Variants in SPATA3 observed in about 807,000 individuals in gnomAD.
The protein encoded by SPATA3 is spermatogenesis-associated protein 3.
Under a neutral mutation model 5.7 loss-of-function variants are expected in SPATA3, and 6 were observed. The ratio of observed to expected loss-of-function variants is 1.06; its 90% CI spans 0.58 to 2.09. SPATA3 has a LOEUF of 2.09. Among genes scored for constraint, SPATA3 ranks in the 30% most tolerant of loss-of-function variants. The pLI is 0.00. For missense variants in SPATA3, 155 were observed against 130.4 expected (o/e 1.19, Z -0.92); for synonymous variants, 44 against 48.4 (o/e 0.91, Z 0.37).
intron 1 of SPATA3, among the ~76,000 whole-genome samples, chr2:230,997,994 G>T (rs1021336922): frequency 2.0e-5 from 3 of 152,178 alleles, no homozygotes; most frequent in African/African-American, 7.2e-5. Flanking sequence ...GCCCTGAGAA[G>T]GGAAACCCAC....
downstream of SPATA3, among the ~76,000 whole-genome samples, chr2:231,006,016 G>T (rs80353332): frequency 7.1e-6 from 1 of 140,580 alleles, no homozygotes; most frequent in South Asian, 2.3e-4. Flanking sequence ...AAAAAAAAAA[G>T]AGAAAGAAGA....
At chr2:231,005,556 C>CCACCATCACCAT (rs1692588079), downstream of SPATA3, among the ~76,000 whole-genome samples, 2 of 69,820 alleles carry the variant, frequency 2.9e-5, no homozygotes, top group Admixed American at 1.4e-4. Context: ...ATCACCACCA[C>CCACCATCACCAT]CATCATCACC....
intron 5 of SPATA3, among the ~76,000 whole-genome samples, chr2:231,013,436 C>T (rs1178893686): frequency 2.0e-5 from 3 of 151,990 alleles, no homozygotes; most frequent in African/African-American, 7.2e-5. Context: ...TATGCCATAG[C>T]GTGTTTATCT....
chr2:231,011,634 G>A (rs1692791357), downstream of SPATA3, among the ~76,000 whole-genome samples: 1 of 150,160 alleles, frequency 6.7e-6, no homozygotes, highest in Non-Finnish European at 1.5e-5. Flanking sequence ...ATGAAGCCTG[G>A]CACCCAGGCC....
chr2:231,008,458 G>T (rs915748675), downstream of SPATA3, among the ~76,000 whole-genome samples: 16 of 152,194 alleles, frequency 1.1e-4, no homozygotes, highest in Admixed American at 1.3e-4. Flanking sequence ...GGACCCAGCA[G>T]GGCAGCCACT....
Position 231,001,226 on chromosome 2 carries a change from A to G in SPATA3, c.962+689A>G, listed in dbSNP as rs543641550. On this transcript the variant is annotated intron_variant, in intron 2 of 2. Coordinates refer to ENST00000645363, the Ensembl canonical transcript of SPATA3. ...GCCACCGCCCTCATAGGAAGACCCC[A>G]TCCATGCAGGGAACAGACTGGAGAT... Among the ~76,000 whole-genome samples the G allele has an allele frequency of 1.2e-4, 18 of 152,228 alleles. No individual in the cohort carries two copies. The East Asian group carries it at 3.5e-3, about 29-fold the overall frequency.
chr2:230,996,410 C>A, intron 1 of SPATA3: 1 of 1,552,108 alleles, frequency 6.4e-7, no homozygotes. Flanking sequence ...AGCATTCCAG[C>A]CTTGAAACCA....
intron 2 of SPATA3, among the ~76,000 whole-genome samples, chr2:231,001,207 G>T (rs867577748): frequency 2.6e-5 from 4 of 152,080 alleles, no homozygotes; most frequent in Non-Finnish European, 5.9e-5. Flanking sequence ...GGCTGCCACC[G>T]CCCTCATAGG....
chr2:231,005,484 C>T (rs796619679), downstream of SPATA3, among the ~76,000 whole-genome samples: 11 of 11,456 alleles, frequency 9.6e-4, no homozygotes, highest in South Asian at 2.0e-3. Flanking sequence ...ATCACCACCA[C>T]CACCATCACC....
At chr2:230,996,488 AT>A (rs1222887062) in intron 1 of SPATA3, 18 of 1,552,008 alleles carry the variant, frequency 1.2e-5, no homozygotes, top group African/African-American at 1.4e-5. Flanking sequence ...GCTGCCTTTT[AT>A]CTCCAGATGC....
intron 6 of SPATA3, among the ~76,000 whole-genome samples, chr2:231,018,706 G>T (rs368382196): frequency 1.3e-5 from 2 of 151,274 alleles, no homozygotes; most frequent in East Asian, 3.9e-4. Flanking sequence ...TTTTTGAGGT[G>T]GAGTCATCTT....
At chr2:231,001,069 C>G (rs1462892458) in intron 2 of SPATA3, among the ~76,000 whole-genome samples, 1 of 152,210 alleles carries the variant, frequency 6.6e-6, no homozygotes, top group African/African-American at 2.4e-5. Flanking sequence ...CTGTGCTGGG[C>G]TCTTTCTGGG....
intron 6 of SPATA3, among the ~76,000 whole-genome samples, chr2:231,016,777 G>A (rs913246475): frequency 6.6e-6 from 1 of 152,108 alleles, no homozygotes; most frequent in Non-Finnish European, 1.5e-5. Flanking sequence ...TCCCACCCCT[G>A]GAGGCTTCCC....
intron 2 of SPATA3, 92 bp from the exon 3 acceptor site, chr2:231,002,590 CCT>C (rs375706580): frequency 3.6e-5 from 25 of 695,490 alleles, no homozygotes; most frequent in Middle Eastern, 5.1e-4. Context: ...TTCCTGCAAT[CCT>C]GAGGGGGCCA....
downstream of SPATA3, among the ~76,000 whole-genome samples, chr2:231,005,226 C>CAAT (rs1692530394): frequency 9.5e-6 from 1 of 105,468 alleles, no homozygotes; most frequent in African/African-American, 3.3e-5. Context: ...ACCATCATCA[C>CAAT]CATCACCATC....
chr2:231,004,407 TA>T (rs1205351943), downstream of SPATA3, among the ~76,000 whole-genome samples: 3 of 152,178 alleles, frequency 2.0e-5, no homozygotes, highest in African/African-American at 7.2e-5. Context: ...GCTTTGGAGT[TA>T]GAGCTGCCGG....
downstream of SPATA3, chr2:231,002,949 G>A: frequency 2.3e-6 from 1 of 443,792 alleles, no homozygotes; most frequent in Non-Finnish European, 4.0e-6. Context: ...CAGCCGGCAT[G>A]GCCCTCTAGG....
downstream of SPATA3, chr2:231,006,616 T>C (rs1692634844): frequency 6.6e-6 from 1 of 152,146 alleles, no homozygotes; most frequent in South Asian, 2.1e-4. Flanking sequence ...AGAGTCACTG[T>C]AGGGGAGGGC....
At chr2:231,010,851 T>C (rs941503644), downstream of SPATA3, among the ~76,000 whole-genome samples, 1 of 151,326 alleles carries the variant, frequency 6.6e-6, no homozygotes, top group Non-Finnish European at 1.5e-5. Context: ...GCAGATGACT[T>C]GAGCCCAGGA....
Sources: allele counts gnomAD v4.1 joint callset (sites outside exome capture counted in the v4.1 genomes callset), GRCh38; gene constraint gnomAD v4.1.1; transcripts MANE v1.5; gene names NCBI Gene and HGNC (gene_info 2026-07-23, HGNC 2026-07-21).